TBL1X: variants seen among roughly 807,000 people sequenced by gnomAD.
The protein encoded by TBL1X is F-box-like/WD repeat-containing protein TBL1X.
TBL1X carries 10 observed loss-of-function variants against 50.7 expected under a neutral mutation model. The observed-to-expected ratio is 0.20, with a 90% CI of 0.12 to 0.33. The LOEUF is 0.33. TBL1X is among the 10% of genes least tolerant of loss of function. The probability of loss-of-function intolerance (pLI) is 1.00; values close to 1 mark genes in which losing one functional copy is unlikely to be tolerated. For synonymous variants in TBL1X, 190 were observed against 214.7 expected (o/e 0.88, Z 1.01); for missense variants, 340 against 504.4 (o/e 0.67, Z 3.12).
In TBL1X at chrX:9,574,627, A is replaced by C. The variant is rs137980622; in HGVS notation, c.-130-65646A>C. ...GTTCTGTTCTGTGTAGGATGTGCAG[A>C]AACAGCCTTGAAAATGTTACCAATC... is the stretch of plus-strand genomic sequence containing the variant. On this transcript the variant is annotated intron_variant, in intron 2 of 17. Coordinates refer to ENST00000645353, the MANE Select transcript of TBL1X (RefSeq NM_005647.4). Among the ~76,000 whole-genome samples, 464 of 110,718 alleles carry C rather than the reference A, an allele frequency of 4.2e-3. 2 individuals are homozygous for C. The highest frequency in any genetic ancestry group is 0.015 in the African/African-American group (442 of 30,402).
chrX:9,700,636 C>T (rs1247304847), intron 12 of TBL1X, among the ~76,000 whole-genome samples: 1 of 111,772 alleles, frequency 8.9e-6, no homozygotes, highest in Admixed American at 9.5e-5. Context: ...CCAGGTGAAA[C>T]GCAGCTGGGA....
intron 2 of TBL1X, among the ~76,000 whole-genome samples, chrX:9,592,174 C>T (rs1158986178): frequency 9.0e-6 from 1 of 111,666 alleles, no homozygotes; most frequent in Non-Finnish European, 1.9e-5. Context: ...TTATCATTGC[C>T]GACTGCTCTG....
At chrX:9,627,745 G>A (rs141487134) in intron 2 of TBL1X, among the ~76,000 whole-genome samples, 1,375 of 111,934 alleles carry the variant, frequency 0.012, 18 homozygotes, top group African/African-American at 0.042. Flanking sequence ...AATTGCTTTC[G>A]TCTAAAACAA....
intron 15 of TBL1X, among the ~76,000 whole-genome samples, chrX:9,710,403 A>G (rs1238928032): frequency 1.4e-4 from 15 of 110,682 alleles, no homozygotes; most frequent in Non-Finnish European, 2.6e-4. Flanking sequence ...AAAAACAAAG[A>G]ACACATAGGC....
At chrX:9,696,906 C>G in intron 11 of TBL1X, among the ~76,000 whole-genome samples, 1 of 112,225 alleles carries the variant, frequency 8.9e-6, no homozygotes, top group South Asian at 3.7e-4. Flanking sequence ...TTATATCCTG[C>G]TGCTCAGGGT....
At chrX:9,555,185 C>A (rs866621383) in intron 2 of TBL1X, among the ~76,000 whole-genome samples, 1 of 110,995 alleles carries the variant, frequency 9.0e-6, no homozygotes, top group Non-Finnish European at 1.9e-5. Flanking sequence ...AATCAGTCCT[C>A]CCACCTCAGC....
intron 6 of TBL1X, among the ~76,000 whole-genome samples, chrX:9,685,717 C>CTT (rs752837096): frequency 0.054 from 3,237 of 59,579 alleles, 131 homozygotes; most frequent in Non-Finnish European, 0.06. Context: ...CTTTTCTTTT[C>CTT]TTTTTTTTTT....
At chrX:9,545,000 CTTTTTTTTTTTTTTT>C (rs34726098) in intron 2 of TBL1X, among the ~76,000 whole-genome samples, 2 of 71,759 alleles carry the variant, frequency 2.8e-5, no homozygotes, top group Non-Finnish European at 5.2e-5. Context: ...TTTCCCCCCA[CTTTTTTTTTTTTTTT>C]TTTTTTTTTG....
intron 10 of TBL1X, 47 bp from the exon 11 acceptor site, chrX:9,693,275 T>A (rs779005055): frequency 8.3e-7 from 1 of 1,209,236 alleles, no homozygotes; most frequent in African/African-American, 1.7e-5. Flanking sequence ...AACCCTTGAG[T>A]GAACAGACCA....
intron 5 of TBL1X, among the ~76,000 whole-genome samples, chrX:9,672,661 G>A (rs747737026): frequency 1.8e-5 from 2 of 110,976 alleles, no homozygotes; most frequent in African/African-American, 3.3e-5. Context: ...AATCTCTCCA[G>A]TGACTCCTCC....
At chrX:9,660,354 G>A (rs1410050685) in intron 5 of TBL1X, among the ~76,000 whole-genome samples, 1 of 112,421 alleles carries the variant, frequency 8.9e-6, no homozygotes, top group Non-Finnish European at 1.9e-5. Context: ...TTTCACTAAC[G>A]TTGTGTCCGG....
At chrX:9,479,938 ATGTGTGTG>A (rs112927270) in intron 1 of TBL1X, among the ~76,000 whole-genome samples, 16 of 94,997 alleles carry the variant, frequency 1.7e-4, no homozygotes, top group African/African-American at 6.3e-4. Flanking sequence ...GGAAAGTAGA[ATGTGTGTG>A]TGTGTGTGTG....
chrX:9,494,571 CA>C (rs760204728), intron 1 of TBL1X, among the ~76,000 whole-genome samples: 249 of 109,773 alleles, frequency 2.3e-3, no homozygotes, highest in Middle Eastern at 4.7e-3. Flanking sequence ...TCTTCAACTT[CA>C]AAAAAAAAGT....
chrX:9,469,265 C>T (rs1229592294), intron 1 of TBL1X, among the ~76,000 whole-genome samples: 1 of 111,873 alleles, frequency 8.9e-6, no homozygotes, highest in Non-Finnish European at 1.9e-5. Flanking sequence ...CGGGTTCAAG[C>T]GATTCTCCTG....
At chrX:9,541,237 G>A (rs897981956) in intron 2 of TBL1X, among the ~76,000 whole-genome samples, 1 of 111,002 alleles carries the variant, frequency 9.0e-6, no homozygotes, top group African/African-American at 3.3e-5. Flanking sequence ...TGTTAGGTAC[G>A]TGATGTGGGA....
At chrX:9,604,264 C>T (rs1011669058) in intron 2 of TBL1X, among the ~76,000 whole-genome samples, 6 of 111,983 alleles carry the variant, frequency 5.4e-5, no homozygotes, top group Admixed American at 1.9e-4. Context: ...TGTGTAAATG[C>T]GGCGGTGCTC....
At chrX:9,499,847 G>C (rs1175496138) in intron 1 of TBL1X, among the ~76,000 whole-genome samples, 1 of 110,083 alleles carries the variant, frequency 9.1e-6, no homozygotes, top group East Asian at 2.9e-4. Flanking sequence ...GTGGTGGCAG[G>C]CACCTATAAC....
intron 16 of TBL1X, among the ~76,000 whole-genome samples, chrX:9,713,431 T>C (rs1393738852): frequency 2.1e-5 from 2 of 96,942 alleles, no homozygotes; most frequent in African/African-American, 7.5e-5. Context: ...CTTTTCTTTT[T>C]TTTTTTTTTT....
chrX:9,711,625 C>G lies in TBL1X; in HGVS notation c.1454C>G (p.Ser485Cys). ...NIMLASASFD[S>C]TVRLWDIERG... ...CACCTTGCTAGTGCTTCGTTTGATTCTACGGTGCGACTGTGGGACATAGAA... is the reference window on the plus strand; with the variant it reads ...CACCTTGCTAGTGCTTCGTTTGATTGTACGGTGCGACTGTGGGACATAGAA... Residue 485 changes from serine to cysteine, a missense_variant, in exon 16 of 18, where the codon TCT (serine) becomes TGT (cysteine). Coordinates refer to ENST00000645353, the MANE Select transcript of TBL1X (RefSeq NM_005647.4). 1 of 1,195,373 alleles carries G rather than the reference C, an allele frequency of 8.4e-7. No homozygotes were observed.
Sources: gnomAD v4.1 joint callset for allele counts (sites outside exome capture counted in the v4.1 genomes callset) on GRCh38, gnomAD v4.1.1 for gene constraint, MANE v1.5 for transcripts, NCBI Gene and HGNC (gene_info 2026-07-23, HGNC 2026-07-21) for gene names.